Variants in ANKS1B observed in about 807,000 individuals in gnomAD.
ANKS1B encodes ankyrin repeat and sterile alpha motif domain containing 1B.
ANKS1B carries 36 observed loss-of-function variants against 148.3 expected under a neutral mutation model. The observed-to-expected ratio is 0.24, with a 90% CI of 0.19 to 0.32. The LOEUF (loss-of-function observed/expected upper bound fraction) is 0.32. Ranked by LOEUF, ANKS1B falls within the 10% of genes least tolerant of loss-of-function variation. The pLI is 1.00. For missense variants in ANKS1B, 1,157 were observed against 1,542.6 expected (o/e 0.75, Z 4.19); for synonymous variants, 542 against 560.8 (o/e 0.97, Z 0.47).
chr12:99,679,333 G>A (rs1453552417), intron 8 of ANKS1B, among the ~76,000 whole-genome samples: 1 of 152,140 alleles, frequency 6.6e-6, no homozygotes. Context: ...GTTTGAGACA[G>A]GGTCTGGCTA....
chr12:98,850,110 C>T (rs2099514082), intron 17 of ANKS1B, among the ~76,000 whole-genome samples: 1 of 150,758 alleles, frequency 6.6e-6, no homozygotes, highest in Admixed American at 6.6e-5. Context: ...GACAGACAGA[C>T]AACCCCATGA....
chr12:99,523,551 C>CTTTTTTTT (rs71088130), intron 9 of ANKS1B, among the ~76,000 whole-genome samples: 2 of 119,640 alleles, frequency 1.7e-5, no homozygotes, highest in African/African-American at 3.3e-5. Flanking sequence ...AAGGCATCTT[C>CTTTTTTTT]TTTTTTTTTT....
At chr12:99,622,555 C>A (rs2098066760) in intron 9 of ANKS1B, among the ~76,000 whole-genome samples, 1 of 151,820 alleles carries the variant, frequency 6.6e-6, no homozygotes, top group South Asian at 2.1e-4. Flanking sequence ...AGGTGACATA[C>A]AACTGATCCC....
chr12:99,384,082 G>C (rs1385936128), intron 12 of ANKS1B, among the ~76,000 whole-genome samples: 1 of 152,078 alleles, frequency 6.6e-6, no homozygotes, highest in Admixed American at 6.5e-5. Context: ...TGAACTCTCA[G>C]CTCAAAGAGA....
intron 9 of ANKS1B, among the ~76,000 whole-genome samples, chr12:99,617,072 C>T (rs1413406067): frequency 6.6e-6 from 1 of 152,090 alleles, no homozygotes; most frequent in African/African-American, 2.4e-5. Context: ...TAGAGAAATG[C>T]AAATCAAAAC....
chr12:99,626,856 C>T (rs1369186349), intron 9 of ANKS1B, among the ~76,000 whole-genome samples: 1 of 152,150 alleles, frequency 6.6e-6, no homozygotes, highest in African/African-American at 2.4e-5. Context: ...GTATTATGAT[C>T]CGAAGGCACA....
At chr12:98,824,122 G>A (rs117314844) in intron 19 of ANKS1B, among the ~76,000 whole-genome samples, 5 of 152,196 alleles carry the variant, frequency 3.3e-5, no homozygotes, top group Non-Finnish European at 5.9e-5. Flanking sequence ...CAATAATAAC[G>A]TGTTATTACC....
chr12:99,493,014 C>T (rs116106086), intron 10 of ANKS1B, among the ~76,000 whole-genome samples: 216 of 152,196 alleles, frequency 1.4e-3, no homozygotes, highest in African/African-American at 4.7e-3. Context: ...TCCTATTTCA[C>T]GTAGTATTGG....
intron 11 of ANKS1B, among the ~76,000 whole-genome samples, chr12:99,420,056 T>G (rs994662953): frequency 2.0e-5 from 3 of 152,128 alleles, no homozygotes; most frequent in Non-Finnish European, 2.9e-5. Flanking sequence ...TACCTTTTTT[T>G]CATCTAAATC....
intron 10 of ANKS1B, among the ~76,000 whole-genome samples, chr12:99,480,624 G>A (rs978186478): frequency 1.3e-5 from 2 of 151,840 alleles, no homozygotes; most frequent in African/African-American, 4.8e-5. Context: ...ATTAGGCAGT[G>A]TCTCATGTCA....
intron 1 of ANKS1B, among the ~76,000 whole-genome samples, chr12:99,881,859 G>A (rs2092522867): frequency 6.6e-6 from 1 of 152,160 alleles, no homozygotes; most frequent in Non-Finnish European, 1.5e-5. Flanking sequence ...AAGACCCAGA[G>A]TCTCATAACA....
chr12:99,833,819 C>T (rs1412250638), intron 1 of ANKS1B, among the ~76,000 whole-genome samples: 3 of 151,936 alleles, frequency 2.0e-5, no homozygotes, highest in African/African-American at 7.2e-5. Context: ...TTACCTATAC[C>T]AACTCAGTTC....
At chr12:99,240,339 G>T (rs1171674849) in intron 14 of ANKS1B, among the ~76,000 whole-genome samples, 1 of 152,164 alleles carries the variant, frequency 6.6e-6, no homozygotes, top group Non-Finnish European at 1.5e-5. Context: ...ATGGTAAACG[G>T]ATCAATTCAA....
At chr12:98,982,969 T>C (rs775898550) in intron 17 of ANKS1B, among the ~76,000 whole-genome samples, 2 of 152,108 alleles carry the variant, frequency 1.3e-5, no homozygotes, top group Non-Finnish European at 2.9e-5. Flanking sequence ...TTTTCTAGAG[T>C]GGTTATATTG....
chr12:98,757,183 T>A (rs796371905), intron 25 of ANKS1B, among the ~76,000 whole-genome samples: 8 of 151,238 alleles, frequency 5.3e-5, no homozygotes, highest in African/African-American at 1.7e-4. Flanking sequence ...GATTTGGGAG[T>A]GAAGGGGTCT....
intron 17 of ANKS1B, among the ~76,000 whole-genome samples, chr12:98,942,805 C>T (rs544056640): frequency 2.6e-5 from 4 of 152,158 alleles, no homozygotes; most frequent in South Asian, 2.1e-4. Flanking sequence ...AAATATAAGT[C>T]GGTGTCAGAA....
At chr12:99,185,583 C>T (rs1168932736) in intron 14 of ANKS1B, among the ~76,000 whole-genome samples, 1 of 152,136 alleles carries the variant, frequency 6.6e-6, no homozygotes, top group Non-Finnish European at 1.5e-5. Flanking sequence ...GTGGGTGCAG[C>T]CCATGGAGGG....
intron 12 of ANKS1B, among the ~76,000 whole-genome samples, chr12:99,278,255 C>T (rs2077940412): frequency 6.6e-6 from 1 of 152,174 alleles, no homozygotes; most frequent in African/African-American, 2.4e-5. Context: ...AACTTTCATG[C>T]AGTCTTCCAC....
At chr12:98,916,890 T>C (rs2099795082) in intron 17 of ANKS1B, among the ~76,000 whole-genome samples, 1 of 152,232 alleles carries the variant, frequency 6.6e-6, no homozygotes, top group Admixed American at 6.5e-5. Flanking sequence ...AACATTTATG[T>C]GTCTTTATTA....
Sources: allele counts gnomAD v4.1 joint callset (sites outside exome capture counted in the v4.1 genomes callset), GRCh38; gene constraint gnomAD v4.1.1; transcripts MANE v1.5; gene names NCBI Gene and HGNC (gene_info 2026-07-23, HGNC 2026-07-21).